Variants in BBS9 observed in about 807,000 individuals in gnomAD.
BBS9 encodes protein PTHB1.
In BBS9, 89 loss-of-function variants were observed where a neutral mutation model predicts 117.7. The ratio of observed to expected loss-of-function variants is 0.76; its 90% CI spans 0.64 to 0.90. The LOEUF (loss-of-function observed/expected upper bound fraction) is 0.90. Among genes scored for constraint, BBS9 ranks in the 40% least tolerant of loss-of-function variants. The pLI, the probability that BBS9 is intolerant of heterozygous loss-of-function variation, is 0.00. For missense variants in BBS9, 982 were observed against 1,042.2 expected (o/e 0.94, Z 0.80); for synonymous variants, 379 against 370.9 (o/e 1.02, Z -0.25).
intron 19 of BBS9, among the ~76,000 whole-genome samples, chr7:33,486,432 A>C (rs1584993000): frequency 6.6e-6 from 1 of 152,318 alleles, no homozygotes; most frequent in African/African-American, 2.4e-5. Context: ...AAAGAAATTA[A>C]ATTTGTTTAA....
At chr7:33,539,832 G>T (rs1246405388) in intron 21 of BBS9, among the ~76,000 whole-genome samples, 1 of 152,204 alleles carries the variant, frequency 6.6e-6, no homozygotes, top group Non-Finnish European at 1.5e-5. Flanking sequence ...GGCATAATTT[G>T]CAGGATTTAT....
intron 19 of BBS9, among the ~76,000 whole-genome samples, chr7:33,497,003 C>T (rs150278442): frequency 5.1e-4 from 78 of 152,266 alleles, no homozygotes; most frequent in African/African-American, 1.8e-3. Flanking sequence ...GCAGCAAATG[C>T]CATCACAAAC....
At chr7:33,408,498 A>C (rs960929241) in intron 19 of BBS9, among the ~76,000 whole-genome samples, 2 of 152,120 alleles carry the variant, frequency 1.3e-5, no homozygotes, top group Non-Finnish European at 2.9e-5. Flanking sequence ...AGTACCTCAG[A>C]TGGAAATGCA....
intron 4 of BBS9, among the ~76,000 whole-genome samples, chr7:33,166,550 C>T (rs1229132256): frequency 1.3e-5 from 2 of 152,262 alleles, no homozygotes; most frequent in Non-Finnish European, 2.9e-5. Context: ...TGTTTACCTA[C>T]TCAAGCCTCA....
chr7:33,452,597 G>A (rs1838053329), intron 19 of BBS9, among the ~76,000 whole-genome samples: 1 of 152,152 alleles, frequency 6.6e-6, no homozygotes, highest in Non-Finnish European at 1.5e-5. Context: ...AAAGCTCTGA[G>A]CATAATTCGG....
chr7:33,527,505 G>A (rs976821589), intron 20 of BBS9, among the ~76,000 whole-genome samples: 1 of 152,184 alleles, frequency 6.6e-6, no homozygotes, highest in Non-Finnish European at 1.5e-5. Context: ...GGAGTGACCC[G>A]ATTTTCCAGG....
At chr7:33,245,734 G>GT (rs1183386499) in intron 5 of BBS9, among the ~76,000 whole-genome samples, 1 of 152,090 alleles carries the variant, frequency 6.6e-6, no homozygotes, top group Non-Finnish European at 1.5e-5. Context: ...TGATGGTTCA[G>GT]TTTAGTTAAA....
At chr7:33,387,842 C>G in intron 18 of BBS9, 150 bp from the exon 19 acceptor site, 1 of 872,468 alleles carries the variant, frequency 1.1e-6, no homozygotes, top group African/African-American at 1.7e-5. Context: ...ATTCATGTAC[C>G]AAATACCACA....
intron 9 of BBS9, among the ~76,000 whole-genome samples, chr7:33,320,438 T>G (rs1042931826): frequency 3.3e-5 from 5 of 152,204 alleles, no homozygotes; most frequent in Non-Finnish European, 5.9e-5. Context: ...TTTTTATGGC[T>G]GAATAGTATT....
chr7:33,619,137 C>T (rs1342865457), intron 21 of BBS9, among the ~76,000 whole-genome samples: 4 of 151,892 alleles, frequency 2.6e-5, no homozygotes, highest in African/African-American at 7.3e-5. Flanking sequence ...ATACACATAG[C>T]CTGAAAATGA....
At chr7:33,191,907 T>C (rs1784178801) in intron 5 of BBS9, among the ~76,000 whole-genome samples, 1 of 151,772 alleles carries the variant, frequency 6.6e-6, no homozygotes, top group Non-Finnish European at 1.5e-5. Context: ...GTTATAAAAG[T>C]AGTCTTGTTC....
intron 11 of BBS9, among the ~76,000 whole-genome samples, chr7:33,341,404 T>C (rs1187506387): frequency 1.3e-5 from 2 of 152,122 alleles, no homozygotes; most frequent in Non-Finnish European, 2.9e-5. Context: ...TAGTCTTTAA[T>C]ACATTATGGT....
At chr7:33,471,421 A>C (rs1841020706) in intron 19 of BBS9, among the ~76,000 whole-genome samples, 1 of 152,230 alleles carries the variant, frequency 6.6e-6, no homozygotes, top group East Asian at 1.9e-4. Context: ...TCAGAGTATC[A>C]TTAGAACTCC....
At chr7:33,198,107 C>A (rs911218470) in intron 5 of BBS9, among the ~76,000 whole-genome samples, 1 of 151,886 alleles carries the variant, frequency 6.6e-6, no homozygotes, top group Non-Finnish European at 1.5e-5. Flanking sequence ...ATTTTAAAAT[C>A]AAATTTTCTT....
chr7:33,328,718 C>T (rs1584346163), intron 9 of BBS9, among the ~76,000 whole-genome samples: 1 of 152,130 alleles, frequency 6.6e-6, no homozygotes, highest in African/African-American at 2.4e-5. Context: ...AACATTAGGT[C>T]CAATGCATGT....
chr7:33,357,615 T>C, intron 15 of BBS9: 1 of 561,706 alleles, frequency 1.8e-6, no homozygotes, highest in East Asian at 3.3e-5. Context: ...ATGATACTAT[T>C]AAAGACAGAT....
chr7:33,533,533 C>A (rs557405429), intron 20 of BBS9, among the ~76,000 whole-genome samples: 5 of 152,150 alleles, frequency 3.3e-5, no homozygotes, highest in Admixed American at 2.0e-4. Context: ...TCTCCTGGCC[C>A]GCTTTCCTTT....
At chr7:33,457,476 T>C (rs571583776) in intron 19 of BBS9, among the ~76,000 whole-genome samples, 79 of 152,276 alleles carry the variant, frequency 5.2e-4, no homozygotes, top group South Asian at 1.9e-3. Context: ...GGTCATGTTA[T>C]TGTTTTAATA....
rs116296018 is a variant in BBS9, at chr7:33,215,340, T to C, written c.442+37749T>C. On this transcript the variant is annotated intron_variant, in intron 5 of 22. Transcript: ENST00000242067. Reference sequence around the variant, plus strand: ...GAGTATAGAAACCCAGATATAAATCTGTATGTTTACTGTCAACTCATTTTT... The same window carrying C: ...GAGTATAGAAACCCAGATATAAATCCGTATGTTTACTGTCAACTCATTTTT... Among the ~76,000 whole-genome samples the C allele has an allele frequency of 2.7e-3, 415 of 152,318 alleles. 1 individual carries two copies. Among genetic ancestry groups the C allele is most frequent in the African/African-American group, 9.7e-3 (404 of 41,576 alleles).
Sources: allele counts gnomAD v4.1 joint callset (sites outside exome capture counted in the v4.1 genomes callset), GRCh38; gene constraint gnomAD v4.1.1; transcripts MANE v1.5; gene names NCBI Gene and HGNC (gene_info 2026-07-23, HGNC 2026-07-21).